MTHFD1: variants seen among roughly 807,000 people sequenced by gnomAD.
MTHFD1 encodes methylenetetrahydrofolate dehydrogenase, cyclohydrolase and formyltetrahydrofolate synthetase 1, also known as C-1-tetrahydrofolate synthase, cytoplasmic.
In MTHFD1, 44 loss-of-function variants were observed where a neutral mutation model predicts 110.3. That is an observed-to-expected ratio of 0.40 (90% CI 0.31 to 0.51). The LOEUF (loss-of-function observed/expected upper bound fraction) is 0.51. Among genes scored for constraint, MTHFD1 ranks in the 20% least tolerant of loss-of-function variants. The pLI is 0.60. For synonymous variants in MTHFD1, 402 were observed against 428.8 expected (o/e 0.94, Z 0.77); for missense variants, 909 against 1,173.1 (o/e 0.77, Z 3.29).
At chr14:64,390,994 G>A (rs144790786) in intron 1 of MTHFD1, among the ~76,000 whole-genome samples, 77 of 152,204 alleles carry the variant, frequency 5.1e-4, no homozygotes, top group African/African-American at 1.7e-3. Flanking sequence ...TCCATCCTGC[G>A]GATTAGGAAA....
intron 2 of MTHFD1, among the ~76,000 whole-genome samples, chr14:64,403,138 G>A (rs1047452018): frequency 4.6e-5 from 7 of 151,064 alleles, no homozygotes; most frequent in African/African-American, 1.5e-4. Flanking sequence ...TTTTTGAGAC[G>A]GAGTCTTGCT....
At chr14:64,404,373 T>A (rs966603106) in intron 2 of MTHFD1, among the ~76,000 whole-genome samples, 1 of 152,198 alleles carries the variant, frequency 6.6e-6, no homozygotes, top group Non-Finnish European at 1.5e-5. Flanking sequence ...TTTCCCTAAG[T>A]AACCTCACCC....
At chr14:64,456,547 G>A (rs2078476902) in intron 26 of MTHFD1, among the ~76,000 whole-genome samples, 1 of 152,124 alleles carries the variant, frequency 6.6e-6, no homozygotes, top group African/African-American at 2.4e-5. Context: ...ACTCATCACT[G>A]TTTAGGGAAC....
intron 11 of MTHFD1, among the ~76,000 whole-genome samples, chr14:64,426,511 C>G (rs112024746): frequency 0.1 from 15,450 of 152,160 alleles, 1,853 homozygotes; most frequent in African/African-American, 0.29. Flanking sequence ...CGCTCTGTTG[C>G]CCAGGCTGGA....
chr14:64,424,976 C>G, intron 9 of MTHFD1, 45 bp downstream of exon 9: 1 of 1,611,798 alleles, frequency 6.2e-7, no homozygotes, highest in South Asian at 1.1e-5. Context: ...AAAAGCTGAT[C>G]GAGTTTTGGC....
At chr14:64,398,809 G>T (rs922993380) in intron 1 of MTHFD1, among the ~76,000 whole-genome samples, 1 of 152,184 alleles carries the variant, frequency 6.6e-6, no homozygotes, top group Non-Finnish European at 1.5e-5. Context: ...GACAGAGCAT[G>T]TTCAAGTTGA....
At position 64,431,880 on chromosome 14, in the gene MTHFD1, A is replaced by C; in HGVS notation, c.1494+19A>C. The stretch of plus-strand genomic sequence containing the variant: ...GTTAAAGGTAAGCTTTTTTTCTTCC[A>C]CATTTTTTATATTGTATGGAATCTG... On this transcript the variant is annotated intron_variant, in intron 15 of 27. Transcript: ENST00000652337. The C allele has an allele frequency of 1.2e-6, 2 of 1,604,314 alleles. No individual in the cohort carries two copies. Among genetic ancestry groups the C allele is most frequent in the Non-Finnish European group, 1.7e-6 (2 of 1,171,102 alleles).
At chr14:64,411,916 G>A (rs549297589) in intron 3 of MTHFD1, among the ~76,000 whole-genome samples, 277 of 151,988 alleles carry the variant, frequency 1.8e-3, no homozygotes, top group African/African-American at 6.3e-3. Context: ...AAAAAAAGAC[G>A]ATATAGACAA....
At chr14:64,414,848 C>T (rs1486090665) in intron 4 of MTHFD1, among the ~76,000 whole-genome samples, 1 of 151,960 alleles carries the variant, frequency 6.6e-6, no homozygotes, top group Non-Finnish European at 1.5e-5. Context: ...TGCCACCACA[C>T]CTGGCTAATT....
At chr14:64,420,448 C>CCCGTCTTT (rs1426522491) in intron 8 of MTHFD1, among the ~76,000 whole-genome samples, 1 of 152,140 alleles carries the variant, frequency 6.6e-6, no homozygotes, top group Non-Finnish European at 1.5e-5. Flanking sequence ...ACCCCTTACT[C>CCCGTCTTT]CCGTCTTTTG....
chr14:64,437,066 T>C (rs2078211460), intron 16 of MTHFD1, among the ~76,000 whole-genome samples: 1 of 151,960 alleles, frequency 6.6e-6, no homozygotes, highest in Non-Finnish European at 1.5e-5. Flanking sequence ...TTATGGAAAA[T>C]AATTTGGCAT....
At chr14:64,405,765 G>T (rs891412926) in intron 2 of MTHFD1, among the ~76,000 whole-genome samples, 2 of 152,046 alleles carry the variant, frequency 1.3e-5, no homozygotes, top group Non-Finnish European at 2.9e-5. Context: ...GACTGCAATT[G>T]CAATCCTTGT....
chr14:64,448,542 C>T lies in MTHFD1; in HGVS notation c.2279+225C>T, dbSNP rs1339923937. On this transcript the variant is annotated intron_variant, in intron 23 of 27. Coordinates refer to ENST00000652337, the MANE Select transcript of MTHFD1 (RefSeq NM_005956.4). ...CAGCTCCTATGGGCCCTTTTCCTTT[C>T]CACTGGGGGAAGTAACACACAAGCC... 1.3e-5 allele frequency: 7 copies of T among 559,728 alleles called. No homozygotes were observed. In the East Asian group the frequency reaches 2.2e-4, roughly 18 times the overall value. 34.7% of individuals were successfully genotyped at this position (559,728 alleles called of 1,614,324 possible).
At chr14:64,411,865 C>T (rs533083281) in intron 3 of MTHFD1, among the ~76,000 whole-genome samples, 2 of 152,036 alleles carry the variant, frequency 1.3e-5, no homozygotes, top group Non-Finnish European at 2.9e-5. Flanking sequence ...AGTGCCATTG[C>T]ACTCCAGCCT....
chr14:64,405,709 C>T (rs887633982), intron 2 of MTHFD1, among the ~76,000 whole-genome samples: 25 of 152,280 alleles, frequency 1.6e-4, no homozygotes, highest in African/African-American at 5.8e-4. Context: ...TAGTTACCTG[C>T]TTAATGATTT....
intron 2 of MTHFD1, among the ~76,000 whole-genome samples, chr14:64,405,891 G>A (rs992176686): frequency 2.6e-5 from 4 of 151,914 alleles, no homozygotes; most frequent in Non-Finnish European, 2.9e-5. Context: ...GAGTGTTTTA[G>A]ATGTTGGAAT....
At chr14:64,413,364 T>C (rs755691914) in intron 4 of MTHFD1, among the ~76,000 whole-genome samples, 84 of 151,994 alleles carry the variant, frequency 5.5e-4, no homozygotes, top group Non-Finnish European at 1.0e-3. Flanking sequence ...AAAAAATAGG[T>C]AAAACCGATC....
chr14:64,426,823 C>T (rs966261272), intron 11 of MTHFD1, among the ~76,000 whole-genome samples: 1 of 152,134 alleles, frequency 6.6e-6, no homozygotes, highest in African/African-American at 2.4e-5. Context: ...ACTAAGCATT[C>T]ATTTTTATTG....
chr14:64,411,902 G>GA lies in MTHFD1; in HGVS notation c.187-560dup, dbSNP rs368259635. ...GGCAATAAGAGTGAAGCTCCAACCAGAAAAAAAAAAGACGATATAGACAAG... is the reference window on the plus strand; with the variant it reads ...GGCAATAAGAGTGAAGCTCCAACCAGAAAAAAAAAAAGACGATATAGACAAG... On this transcript the variant is annotated intron_variant, in intron 3 of 27. Coordinates refer to ENST00000652337, the MANE Select transcript of MTHFD1 (RefSeq NM_005956.4). Among the ~76,000 whole-genome samples the GA allele has an allele frequency of 2.9e-3, 419 of 146,382 alleles. 1 individual carries two copies. The highest frequency in any genetic ancestry group is 9.1e-3 in the African/African-American group (366 of 40,034).
Sources: allele counts gnomAD v4.1 joint callset (sites outside exome capture counted in the v4.1 genomes callset), GRCh38; gene constraint gnomAD v4.1.1; transcripts MANE v1.5; gene names NCBI Gene and HGNC (gene_info 2026-07-23, HGNC 2026-07-21).